Variants in EBF4 observed in about 807,000 individuals in gnomAD.
EBF4 encodes EBF transcription factor 4, also known as transcription factor COE4.
In EBF4, 34 loss-of-function variants were observed where a neutral mutation model predicts 67.1. That is an observed-to-expected ratio of 0.51 (90% CI 0.39 to 0.67). The LOEUF is 0.67. Among genes scored for constraint, EBF4 ranks in the 30% least tolerant of loss-of-function variants. EBF4 has a pLI of 0.00. For synonymous variants in EBF4, 387 were observed against 377.7 expected (o/e 1.02, Z -0.29); for missense variants, 837 against 873.3 (o/e 0.96, Z 0.52).
chr20:2,738,695 C>A, intron 6 of EBF4, among the ~76,000 whole-genome samples: 1 of 152,200 alleles, frequency 6.6e-6, no homozygotes, highest in South Asian at 2.1e-4. Context: ...CACCCCCTCC[C>A]CTTCTCCTCA....
In EBF4 at chr20:2,693,819, G is replaced by A. The variant is rs2087247697; in HGVS notation, c.137+37G>A. The A allele has an allele frequency of 3.2e-6, 4 of 1,263,300 alleles. No individual in the cohort carries two copies. Among genetic ancestry groups the A allele is most frequent in the South Asian group, 5.5e-5 (2 of 36,350 alleles). The allele number at this position is 1,263,300 out of a possible 1,614,324, so 78.3% of individuals were successfully genotyped here. A position where few individuals can be genotyped will look rare whatever the true frequency, so the allele number is the denominator to read the frequency against. On this transcript the variant is annotated intron_variant, in intron 1 of 16. Transcript: ENST00000609451. The surrounding 1 kb of genome is among the most constrained non-coding windows in gnomAD (Gnocchi z 4.6). ...GACCGGACCCGGTGCGCTCGGGTTGGACGGCTGCGCGCCGCCTCAGCTCAG... is the reference window on the plus strand; with the variant it reads ...GACCGGACCCGGTGCGCTCGGGTTGAACGGCTGCGCGCCGCCTCAGCTCAG...
At chr20:2,723,550 C>T (rs1002554177) in intron 6 of EBF4, among the ~76,000 whole-genome samples, 11 of 151,940 alleles carry the variant, frequency 7.2e-5, no homozygotes, top group Admixed American at 1.3e-4. Flanking sequence ...GGGGTTTCAC[C>T]GTGTTAGCCA....
chr20:2,734,334 G>A (rs1490684548), intron 6 of EBF4, among the ~76,000 whole-genome samples: 1 of 152,084 alleles, frequency 6.6e-6, no homozygotes, highest in African/African-American at 2.4e-5. Context: ...CTTGAACCTG[G>A]GAGGTCAAGG....
intron 6 of EBF4, among the ~76,000 whole-genome samples, chr20:2,721,825 T>C (rs1408322293): frequency 6.6e-6 from 1 of 152,236 alleles, no homozygotes; most frequent in Non-Finnish European, 1.5e-5. Flanking sequence ...TTCTGCTGAT[T>C]CTAACATCTG....
At chr20:2,730,688 A>G (rs1254104920) in intron 6 of EBF4, among the ~76,000 whole-genome samples, 2 of 152,180 alleles carry the variant, frequency 1.3e-5, no homozygotes, top group Non-Finnish European at 2.9e-5. Context: ...GAGCACACAT[A>G]CATGAAGCAC....
At chr20:2,760,024 T>C (rs1420548852), downstream of EBF4, 1 of 152,338 alleles carries the variant, frequency 6.6e-6, no homozygotes, top group East Asian at 1.9e-4. This position sits in a 1 kb window ranked among gnomAD's most constrained non-coding sequence, Gnocchi z 4.2. Context: ...CCTCACATTC[T>C]GCTCTGCTAA....
chr20:2,755,819 T>C lies in EBF4; in HGVS notation c.1733T>C (p.Leu578Pro). 1 of 1,546,794 alleles carries C rather than the reference T, an allele frequency of 6.5e-7. No individual in the cohort carries two copies. The highest frequency in any genetic ancestry group is 8.7e-7 in the Non-Finnish European group (1 of 1,146,746). ...TGCCCCAGAGCCCACGGAGAGGGGC[T>C]TCCAGGTGAGTGATCCACCCTGCCT... Residue 578 changes from leucine to proline, a missense_variant, in exon 15 of 17, where the codon CTT (leucine) becomes CCT (proline). This residue lies in a region of EBF4 where 525 missense variants were observed against 496.5 expected (regional missense o/e 1.06). Coordinates refer to ENST00000609451, the Ensembl canonical transcript of EBF4. This position sits in a 1 kb window ranked among gnomAD's most constrained non-coding sequence, Gnocchi z 4.7.
At position 2,696,603 on chromosome 20, in the gene EBF4, C is replaced by T. The variant is rs2087291889; in HGVS notation, c.137+2821C>T. On this transcript the variant is annotated intron_variant, in intron 1 of 16. Coordinates refer to ENST00000609451, the Ensembl canonical transcript of EBF4. This position sits in a 1 kb window ranked among gnomAD's most constrained non-coding sequence, Gnocchi z 4.7. ...TGACTCCAGCCTTCCTCCCCAGCCT[C>T]CTCTGCATGATGCTTGGCAGGCAGT... Among the ~76,000 whole-genome samples the T allele has an allele frequency of 6.6e-6, 1 of 152,222 alleles. No homozygotes were observed.
Position 2,751,719 on chromosome 20 carries a change from T to C in EBF4, c.1038T>C (p.Ile346=), listed in dbSNP as rs1568587795. 6.5e-7 allele frequency: 1 copy of C among 1,550,122 alleles called. No individual in the cohort carries two copies. Residue 346 remains isoleucine (I), a synonymous_variant, in exon 11 of 17, where the codon ATT becomes ATC. Coordinates refer to ENST00000609451, the Ensembl canonical transcript of EBF4. This position sits in a 1 kb window ranked among gnomAD's most constrained non-coding sequence, Gnocchi z 5.2. ...CCCCAGCTCTGAACGAGCCCACCAT[T>C]GACTACGGATTCCAGAGGCTACAGA...
intron 6 of EBF4, among the ~76,000 whole-genome samples, chr20:2,730,058 C>T (rs1273383670): frequency 6.6e-6 from 1 of 152,212 alleles, no homozygotes; most frequent in Non-Finnish European, 1.5e-5. Flanking sequence ...AATAACCACC[C>T]CTGGCATTTC....
intron 1 of EBF4, among the ~76,000 whole-genome samples, chr20:2,699,008 G>A (rs143926638): frequency 0.012 from 1,752 of 152,268 alleles, 19 homozygotes; most frequent in Non-Finnish European, 0.016. Context: ...GTGAAGAGCC[G>A]TGAGTGGCCT....
intron 6 of EBF4, among the ~76,000 whole-genome samples, chr20:2,713,566 G>A (rs2087570780): frequency 6.6e-6 from 1 of 152,192 alleles, no homozygotes; most frequent in Non-Finnish European, 1.5e-5. Context: ...ACTTTCTCCA[G>A]CCATGTTGAG....
chr20:2,716,358 C>T (rs1600215420), intron 6 of EBF4, among the ~76,000 whole-genome samples: 1 of 151,722 alleles, frequency 6.6e-6, no homozygotes, highest in East Asian at 2.0e-4. Flanking sequence ...GAAACCCTGT[C>T]TCTACTAAAA....
chr20:2,708,503 A>G (rs6051323), intron 5 of EBF4, among the ~76,000 whole-genome samples: 63,674 of 152,102 alleles, frequency 0.42, 15,288 homozygotes, highest in African/African-American at 0.66. Context: ...GGTCTCCCCA[A>G]GAGATGCCAG....
intron 1 of EBF4, among the ~76,000 whole-genome samples, chr20:2,698,542 G>A (rs2087329161): frequency 6.6e-6 from 1 of 152,106 alleles, no homozygotes; most frequent in South Asian, 2.1e-4. Flanking sequence ...GGGAGAGCAG[G>A]GGCCAATGGG....
intron 1 of EBF4, among the ~76,000 whole-genome samples, chr20:2,699,921 T>A (rs922044925): frequency 5.9e-5 from 9 of 152,136 alleles, no homozygotes; most frequent in Admixed American, 5.9e-4. Context: ...CCCACCCACA[T>A]CCCCTCAGGA....
chr20:2,718,194 T>C (rs1025164460), intron 6 of EBF4, among the ~76,000 whole-genome samples: 14 of 152,232 alleles, frequency 9.2e-5, no homozygotes, highest in Non-Finnish European at 2.9e-5. Context: ...TGTTTGATTC[T>C]ACTTTACATT....
rs2087294765 is a variant in EBF4 at position 2,696,805 on chromosome 20, G to A, written c.137+3023G>A. On this transcript the variant is annotated intron_variant, in intron 1 of 16. Coordinates refer to ENST00000609451, the Ensembl canonical transcript of EBF4. The surrounding 1 kb of genome is among the most constrained non-coding windows in gnomAD (Gnocchi z 4.7). ...GTGCCCTCCCACCCTGCCCACGGGA[G>A]TGGCTTTAATGCTGCCTACGAATGC... is the stretch of plus-strand genomic sequence containing the variant. Among the ~76,000 whole-genome samples, 1 of 152,132 alleles carries A rather than the reference G, an allele frequency of 6.6e-6. No homozygotes were observed. Among genetic ancestry groups the A allele is most frequent in the Non-Finnish European group, 1.5e-5 (1 of 68,012 alleles).
chr20:2,749,736 G>C, exon 9 of EBF4: 1 of 1,547,104 alleles, frequency 6.5e-7, no homozygotes, highest in Admixed American at 2.0e-5. Context: ...GTTCGGAAAC[G>C]TGCTCGTGTG....
Sources: gnomAD v4.1 joint callset for allele counts (sites outside exome capture counted in the v4.1 genomes callset) on GRCh38, gnomAD v4.1.1 for gene constraint, gnomAD v4.1.1 regional missense constraint, Gnocchi (gnomAD v3.1) non-coding constraint, MANE v1.5 for transcripts, NCBI Gene and HGNC (gene_info 2026-07-23, HGNC 2026-07-21) for gene names.